Variants in RPF2 observed in about 807,000 individuals in gnomAD.
RPF2 encodes the protein brix domain containing 1.
A neutral mutation model predicts 38.9 loss-of-function variants in RPF2; 21 were observed. That is an observed-to-expected ratio of 0.54 (90% CI 0.38 to 0.78). RPF2 has a LOEUF of 0.78. Among genes scored for constraint, RPF2 ranks in the 30% least tolerant of loss-of-function variants. The pLI is 0.00. For missense variants in RPF2, 314 were observed against 358.1 expected (o/e 0.88, Z 0.99); for synonymous variants, 121 against 126.2 (o/e 0.96, Z 0.28).
At position 111,027,466 on chromosome 6, in the gene RPF2, A is replaced by G. The variant is rs1465757482; in HGVS notation, c.*1884A>G. The G allele has an allele frequency of 1.3e-5, 2 of 152,192 alleles. No homozygotes were observed. Among genetic ancestry groups the G allele is most frequent in the African/African-American group, 4.8e-5 (2 of 41,448 alleles). The allele number at this position is 152,192 out of a possible 1,614,324, so 9.4% of individuals were successfully genotyped here. ...AGCCATGAAAAGAACATCAGGAGTG[A>G]TGGACGCATAGTCCTTCCCCAAAGC... On this transcript the variant is annotated 3_prime_UTR_variant, in exon 10 of 10. Transcript: ENST00000441448.
rs563871094 is a variant in RPF2, at chr6:110,985,282, G to T, written c.156+144G>T. The stretch of plus-strand genomic sequence containing the variant: ...TCTTAGAGAAGAGCTAAAGTTGGGG[G>T]TTTATTTACCTTGCGTGGCACCTTT... On this transcript the variant is annotated intron_variant, in intron 2 of 9. Transcript: ENST00000441448. 6 of 645,188 alleles carry T rather than the reference G, an allele frequency of 9.3e-6. No individual in the cohort carries two copies. In the Admixed American group the frequency reaches 1.5e-4, roughly 16 times the overall value. The allele number at this position is 645,188 out of a possible 1,614,324, so 40.0% of individuals were successfully genotyped here.
chr6:111,009,094 C>T (rs9398262), intron 7 of RPF2, among the ~76,000 whole-genome samples: 19,693 of 151,112 alleles, frequency 0.13, 1,761 homozygotes, highest in East Asian at 0.5. Context: ...CTCGCTCTGT[C>T]GCCCAAGCTA....
At chr6:111,021,088 G>A (rs1772224014) in intron 8 of RPF2, among the ~76,000 whole-genome samples, 1 of 152,142 alleles carries the variant, frequency 6.6e-6, no homozygotes, top group Admixed American at 6.5e-5. Context: ...AGAATTGCTT[G>A]AACCACGGAG....
chr6:111,007,096 C>T (rs1013921584), intron 6 of RPF2, among the ~76,000 whole-genome samples: 3 of 152,152 alleles, frequency 2.0e-5, no homozygotes, highest in South Asian at 2.1e-4. Flanking sequence ...CCAGGCTGGT[C>T]TTGAACTCAC....
chr6:110,985,531 A>G (rs1395590768), intron 2 of RPF2, among the ~76,000 whole-genome samples: 1 of 152,146 alleles, frequency 6.6e-6, no homozygotes, highest in African/African-American at 2.4e-5. Flanking sequence ...CTCTGCTGGG[A>G]ATTAATAGGT....
intron 6 of RPF2, among the ~76,000 whole-genome samples, chr6:111,000,494 T>C (rs1304645720): frequency 6.6e-6 from 1 of 152,216 alleles, no homozygotes; most frequent in East Asian, 1.9e-4. Flanking sequence ...GATTCTATAG[T>C]ATGTTGGTTA....
intron 2 of RPF2, among the ~76,000 whole-genome samples, chr6:110,986,916 G>A (rs1413869658): frequency 6.7e-6 from 1 of 150,046 alleles, no homozygotes; most frequent in African/African-American, 2.5e-5. Flanking sequence ...CCACGCCATT[G>A]CACTTACTCC....
chr6:110,999,748 AT>A lies in RPF2; in HGVS notation c.356del (p.Leu119Ter). The A allele has an allele frequency of 6.2e-7, 1 of 1,602,454 alleles. No homozygotes were observed. The highest frequency in any genetic ancestry group is 8.6e-7 in the Non-Finnish European group (1 of 1,169,576). ...ACTACCATGTGCTGGATATGATTGA[AT>A]TAGGTATTGAGAATTTTGTCTCTCT... ...YDYHVLDMIE[L>X]GIENFVSLKD... On this transcript the variant is annotated frameshift_variant, in exon 6 of 10. Coordinates refer to ENST00000441448, the MANE Select transcript of RPF2 (RefSeq NM_032194.3). LOFTEE classifies it high-confidence loss of function.
rs1453162113 is a variant in RPF2 at position 110,985,033 on chromosome 6, A to G, written c.51A>G (p.Arg17=). 6.2e-7 allele frequency: 1 copy of G among 1,612,330 alleles called. No homozygotes were observed. Among genetic ancestry groups the G allele is most frequent in the Non-Finnish European group, 8.5e-7 (1 of 1,179,804 alleles). Residue 17 remains arginine, a synonymous_variant, in exon 2 of 10, where the codon AGA becomes AGG. Transcript: ENST00000441448. ...AGCCCAAAACGAAAAGAGCCAAGAG[A>G]TTCCTTGAGAAGAGAGAACCGAAAC... ...VVKPKTKRAK[R]FLEKREPKLN...
At chr6:110,987,060 T>C (rs913589975) in intron 2 of RPF2, among the ~76,000 whole-genome samples, 1 of 151,914 alleles carries the variant, frequency 6.6e-6, no homozygotes, top group Admixed American at 6.6e-5. Flanking sequence ...AATTAAGTAA[T>C]CGAATACATT....
At chr6:111,019,880 A>C (rs1772198709) in intron 8 of RPF2, among the ~76,000 whole-genome samples, 1 of 152,122 alleles carries the variant, frequency 6.6e-6, no homozygotes, top group African/African-American at 2.4e-5. Context: ...TCAAACTCTG[A>C]AAAAAACCAG....
chr6:111,020,863 A>G (rs905874595), intron 8 of RPF2, among the ~76,000 whole-genome samples: 5 of 151,994 alleles, frequency 3.3e-5, no homozygotes, highest in Non-Finnish European at 7.4e-5. Flanking sequence ...AAAAGAGAAA[A>G]AAAAGAATAA....
intron 8 of RPF2, among the ~76,000 whole-genome samples, chr6:111,023,633 G>GA (rs200267567): frequency 2.5e-4 from 38 of 150,072 alleles, no homozygotes; most frequent in African/African-American, 6.3e-4. Flanking sequence ...ACCTCAAAGA[G>GA]AAAAAAAAAA....
chr6:110,994,770 C>A (rs3221810), intron 4 of RPF2, among the ~76,000 whole-genome samples: 1 of 146,012 alleles, frequency 6.8e-6, no homozygotes. Flanking sequence ...CACACACACA[C>A]GAGTATGTAT....
Position 111,024,154 on chromosome 6 carries a change from C to G in RPF2, c.597-29C>G. ...GAGAGGACTTTTATGAAAGTCAAAG[C>G]AACATTTCTTTTTACCTATTTCCTA... is the stretch of plus-strand genomic sequence containing the variant. On this transcript the variant is annotated intron_variant, in intron 8 of 9. Transcript: ENST00000441448. 4 of 1,557,232 alleles carry G rather than the reference C, an allele frequency of 2.6e-6. No individual in the cohort carries two copies. In the South Asian group the frequency reaches 4.8e-5, roughly 19 times the overall value.
rs150644581 is a variant in RPF2 at position 111,015,112 on chromosome 6, A to G, written c.494-642A>G. ...TTTTAAAAGGAAATTTTATGTCCCT[A>G]TTGTAAATGGAGAATGGTACAGGAT... is the stretch of plus-strand genomic sequence containing the variant. On this transcript the variant is annotated intron_variant, in intron 7 of 9. Transcript: ENST00000441448. Among the ~76,000 whole-genome samples, 1,333 of 152,314 alleles carry G rather than the reference A, an allele frequency of 8.8e-3. 12 individuals carry two copies. The highest frequency in any genetic ancestry group is 0.031 in the African/African-American group (1,272 of 41,578).
chr6:111,011,058 A>G (rs1772004121), intron 7 of RPF2, among the ~76,000 whole-genome samples: 1 of 152,174 alleles, frequency 6.6e-6, no homozygotes, highest in South Asian at 2.1e-4. Context: ...AATGAGAGCT[A>G]TTAAGTAGGT....
chr6:111,012,696 G>T (rs1486951151), intron 7 of RPF2, among the ~76,000 whole-genome samples: 1 of 151,966 alleles, frequency 6.6e-6, no homozygotes, highest in Non-Finnish European at 1.5e-5. Context: ...TTGAAATGGA[G>T]TCTCACTCTG....
At chr6:111,025,362 A>T in intron 9 of RPF2, 41 bp from the exon 10 acceptor site, 1 of 1,373,468 alleles carries the variant, frequency 7.3e-7, no homozygotes. Context: ...GGCTCATTAT[A>T]GTAGAAGGCC....
Sources: gnomAD v4.1 joint callset for allele counts (sites outside exome capture counted in the v4.1 genomes callset) on GRCh38, gnomAD v4.1.1 for gene constraint, MANE v1.5 for transcripts, NCBI Gene and HGNC (gene_info 2026-07-23, HGNC 2026-07-21) for gene names.